The following VEGFC variants were observed in gnomAD, a reference collection of about 807,000 sequenced individuals.
VEGFC encodes the protein vascular endothelial growth factor C, also known as FLT4 ligand DHM.
In VEGFC, 12 loss-of-function variants were observed where a neutral mutation model predicts 46.1. The observed-to-expected ratio is 0.26, with a 90% confidence interval of 0.17 to 0.42. The LOEUF (loss-of-function observed/expected upper bound fraction) is 0.42, where lower values mean the gene tolerates loss of function less well. VEGFC is among the 10% of genes least tolerant of loss of function. VEGFC has a pLI of 1.00. For missense variants in VEGFC, 488 were observed against 529.4 expected (o/e 0.92, Z 0.77); for synonymous variants, 232 against 195.5 (o/e 1.19, Z -1.56).
chr4:176,791,138 AAC>A (rs1459088118), intron 1 of VEGFC, among the ~76,000 whole-genome samples: 5 of 152,224 alleles, frequency 3.3e-5, no homozygotes, highest in Non-Finnish European at 7.3e-5. Context: ...TGTGTTAATC[AAC>A]AGTCAAATTA....
At chr4:176,771,220 A>C (rs1484094740) in intron 1 of VEGFC, among the ~76,000 whole-genome samples, 1 of 152,204 alleles carries the variant, frequency 6.6e-6, no homozygotes, top group Non-Finnish European at 1.5e-5. Context: ...ATTAAAGAAA[A>C]TACTACAGTT....
chr4:176,726,344 T>C (rs1406813097), intron 3 of VEGFC, among the ~76,000 whole-genome samples: 5 of 152,136 alleles, frequency 3.3e-5, no homozygotes, highest in Admixed American at 6.6e-5. Flanking sequence ...TCAGAATGAA[T>C]TGCATCTGGC....
chr4:176,693,066 G>C (rs1473467889), intron 4 of VEGFC, among the ~76,000 whole-genome samples: 1 of 152,064 alleles, frequency 6.6e-6, no homozygotes, highest in African/African-American at 2.4e-5. Flanking sequence ...AAAAAGCAGA[G>C]TGCCTCTCCT....
At chr4:176,757,018 T>G (rs979410780) in intron 1 of VEGFC, among the ~76,000 whole-genome samples, 3 of 152,098 alleles carry the variant, frequency 2.0e-5, no homozygotes, top group Non-Finnish European at 4.4e-5. Context: ...CTCTGCTCAA[T>G]TCTGGACATA....
chr4:176,747,677 C>T (rs913018184), intron 1 of VEGFC, among the ~76,000 whole-genome samples: 7 of 151,928 alleles, frequency 4.6e-5, no homozygotes, highest in African/African-American at 1.7e-4. Context: ...GCTTGTAGTC[C>T]CAGCTACTCA....
At chr4:176,777,495 G>A (rs1277159127) in intron 1 of VEGFC, among the ~76,000 whole-genome samples, 1 of 152,066 alleles carries the variant, frequency 6.6e-6, no homozygotes, top group South Asian at 2.1e-4. Flanking sequence ...TTATAGAATT[G>A]GAATTTTACT....
intron 4 of VEGFC, among the ~76,000 whole-genome samples, chr4:176,693,097 CT>C (rs1454180043): frequency 2.6e-5 from 4 of 152,220 alleles, no homozygotes; most frequent in Admixed American, 6.5e-5. Flanking sequence ...AACACAGTTC[CT>C]TACCAGCAAT....
intron 4 of VEGFC, among the ~76,000 whole-genome samples, chr4:176,704,252 T>G (rs1042065947): frequency 3.3e-5 from 5 of 152,166 alleles, no homozygotes; most frequent in African/African-American, 1.2e-4. Context: ...TCTTAAATAT[T>G]GATTTCCCCA....
chr4:176,773,017 T>G (rs939531462), intron 1 of VEGFC, among the ~76,000 whole-genome samples: 1 of 152,348 alleles, frequency 6.6e-6, no homozygotes, highest in East Asian at 1.9e-4. Flanking sequence ...AGTGCATGTA[T>G]TTTCTTTATC....
intron 1 of VEGFC, among the ~76,000 whole-genome samples, chr4:176,764,605 A>G (rs549177410): frequency 1.3e-5 from 2 of 152,298 alleles, no homozygotes; most frequent in South Asian, 4.1e-4. Flanking sequence ...AAAATCTCAT[A>G]AATTCATAGG....
chr4:176,748,259 A>G (rs1011899075), intron 1 of VEGFC, among the ~76,000 whole-genome samples: 2 of 152,124 alleles, frequency 1.3e-5, no homozygotes, highest in African/African-American at 4.8e-5. Context: ...TAAACAACAA[A>G]GCAAACTGAC....
At chr4:176,771,454 A>T (rs73872176) in intron 1 of VEGFC, among the ~76,000 whole-genome samples, 1 of 152,162 alleles carries the variant, frequency 6.6e-6, no homozygotes, top group African/African-American at 2.4e-5. Context: ...ATGAATTTGA[A>T]TAATAAAGCA....
intron 4 of VEGFC, among the ~76,000 whole-genome samples, chr4:176,696,776 C>T (rs1161469894): frequency 6.6e-6 from 1 of 152,112 alleles, no homozygotes; most frequent in East Asian, 1.9e-4. Context: ...GGTACTGGTT[C>T]AAAACAGAGA....
chr4:176,714,640 C>T (rs1049822028), intron 3 of VEGFC, among the ~76,000 whole-genome samples: 1 of 152,174 alleles, frequency 6.6e-6, no homozygotes, highest in African/African-American at 2.4e-5. Flanking sequence ...TTTCCCACCC[C>T]TAACCCTTGG....
intron 1 of VEGFC, among the ~76,000 whole-genome samples, chr4:176,775,022 C>T (rs1735792264): frequency 6.6e-6 from 1 of 152,124 alleles, no homozygotes; most frequent in Non-Finnish European, 1.5e-5. Flanking sequence ...AGAGGAAATA[C>T]ACTGTGCAGA....
chr4:176,753,010 A>T (rs147303278), intron 1 of VEGFC, among the ~76,000 whole-genome samples: 129 of 152,220 alleles, frequency 8.5e-4, no homozygotes, highest in African/African-American at 2.9e-3. Flanking sequence ...ACAGGTGCAC[A>T]ACTGCTAGTT....
At chr4:176,740,972 G>A (rs1735162025) in intron 1 of VEGFC, among the ~76,000 whole-genome samples, 1 of 151,894 alleles carries the variant, frequency 6.6e-6, no homozygotes, top group Non-Finnish European at 1.5e-5. Context: ...TTCTGGATTT[G>A]AAAGTTAAAC....
chr4:176,761,970 T>C (rs971068602), intron 1 of VEGFC, among the ~76,000 whole-genome samples: 4 of 152,138 alleles, frequency 2.6e-5, no homozygotes, highest in African/African-American at 9.7e-5. Flanking sequence ...CTCTGACGTA[T>C]CAGTTTTCTT....
At chr4:176,741,529 C>T (rs556961970) in intron 1 of VEGFC, among the ~76,000 whole-genome samples, 5 of 151,766 alleles carry the variant, frequency 3.3e-5, no homozygotes, top group Non-Finnish European at 5.9e-5. Context: ...TGTCTCAGAC[C>T]GTCAGATCTT....
Sources: allele counts gnomAD v4.1 joint callset (sites outside exome capture counted in the v4.1 genomes callset), GRCh38; gene constraint gnomAD v4.1.1; transcripts MANE v1.5; gene names NCBI Gene and HGNC (gene_info 2026-07-23, HGNC 2026-07-21).